VPS9D1: variants seen among roughly 807,000 people sequenced by gnomAD.
The protein encoded by VPS9D1 is VPS9 domain-containing protein 1.
VPS9D1 carries 78 observed loss-of-function variants against 75.8 expected under a neutral mutation model. The observed-to-expected ratio is 1.03, with a 90% CI of 0.86 to 1.24. The LOEUF (loss-of-function observed/expected upper bound fraction) is 1.24. VPS9D1 is among the 50% of genes most tolerant of loss of function. The probability of loss-of-function intolerance (pLI) is 0.00; values close to 1 mark genes in which losing one functional copy is unlikely to be tolerated. For missense variants in VPS9D1, 1,057 were observed against 847.7 expected (o/e 1.25, Z -3.07); for synonymous variants, 481 against 385.6 (o/e 1.25, Z -2.90).
At chr16:89,708,393 A>C (rs2060837329) in intron 14 of VPS9D1, 34 bp downstream of exon 14, 1 of 1,574,790 alleles carries the variant, frequency 6.4e-7, no homozygotes, top group Non-Finnish European at 8.7e-7. Flanking sequence ...TGCTCTTCGC[A>C]CAGAGACCCC....
chr16:89,716,899 G>T, intron 2 of VPS9D1, 77 bp from the exon 3 acceptor site: 1 of 1,369,858 alleles, frequency 7.3e-7, no homozygotes, highest in Non-Finnish European at 9.8e-7. Context: ...TGAGGCAACG[G>T]AAAAGGCAGG....
At position 89,711,875 on chromosome 16, in the gene VPS9D1, G is replaced by C; in HGVS notation, c.747+7C>G. ...TCCTACAAAGCCTGGGCCCGTGGGG[G>C]ACGCACATGGTCCTGTTCGTACTCC... On this transcript the variant is annotated splice_region_variant and intron_variant, in intron 8 of 14. Coordinates refer to ENST00000389386, the MANE Select transcript of VPS9D1 (RefSeq NM_004913.3). The C allele has an allele frequency of 6.5e-7, 1 of 1,550,218 alleles. No homozygotes were observed. Among genetic ancestry groups the C allele is most frequent in the Non-Finnish European group, 8.7e-7 (1 of 1,146,506 alleles).
rs946352843 is a variant in VPS9D1, at chr16:89,711,618, T to TGGGACCCTCCCTCCTCGCA, written c.748-225_748-207dup. 838 of 523,026 alleles carry TGGGACCCTCCCTCCTCGCA rather than the reference T, an allele frequency of 1.6e-3. 1 individual carries two copies. The highest frequency in any genetic ancestry group is 8.4e-3 in the African/African-American group (300 of 35,592). The allele number at this position is 523,026 out of a possible 1,614,324, so 32.4% of individuals were successfully genotyped here. ...GCGAACCCTGGGCCTGCACCCTCGC[T>TGGGACCCTCCCTCCTCGCA]GGGACCCTCCCTCCTCGCAGGGACC... is the stretch of plus-strand genomic sequence containing the variant. On this transcript the variant is annotated intron_variant, in intron 8 of 14. Coordinates refer to ENST00000389386, the MANE Select transcript of VPS9D1 (RefSeq NM_004913.3).
At chr16:89,709,542 C>G in intron 11 of VPS9D1, 107 bp from the exon 12 acceptor site, 1 of 1,337,682 alleles carries the variant, frequency 7.5e-7, no homozygotes, top group Non-Finnish European at 9.9e-7. Context: ...CTATGTATCT[C>G]AAGCAAAAAG....
At position 89,720,529 on chromosome 16, in the gene VPS9D1, C is replaced by A. The variant is rs767315432; in HGVS notation, c.99+234G>T. The A allele has an allele frequency of 3.4e-6, 4 of 1,160,276 alleles. No homozygotes were observed. In the East Asian group the frequency reaches 1.6e-4, roughly 47 times the overall value. The allele number at this position is 1,160,276 out of a possible 1,614,324, so 71.9% of individuals were successfully genotyped here. ...AGGTGGAGCCCAGGCTGTGATGCACCGGCTCAGCGAGCGGAGTGGAAAGCC... is the reference window on the plus strand; with the variant it reads ...AGGTGGAGCCCAGGCTGTGATGCACAGGCTCAGCGAGCGGAGTGGAAAGCC... On this transcript the variant is annotated intron_variant, in intron 1 of 14. Coordinates refer to ENST00000389386, the MANE Select transcript of VPS9D1 (RefSeq NM_004913.3).
chr16:89,707,579 G>T lies in VPS9D1; in HGVS notation c.*282C>A. 2.7e-6 allele frequency: 1 copy of T among 371,236 alleles called. No homozygotes were observed. Among genetic ancestry groups the T allele is most frequent in the Non-Finnish European group, 4.9e-6 (1 of 202,408 alleles). The allele number at this position is 371,236 out of a possible 1,614,324, so 23.0% of individuals were successfully genotyped here. ...CCGAAGCCCAAAGCTTCCCTTCTTG[G>T]CCTCTCTGAGGCCTACACAGGAGAG... is the stretch of plus-strand genomic sequence containing the variant. On this transcript the variant is annotated 3_prime_UTR_variant, in exon 15 of 15. Coordinates refer to ENST00000389386, the MANE Select transcript of VPS9D1 (RefSeq NM_004913.3).
chr16:89,714,207 G>A (rs548494218), intron 4 of VPS9D1, among the ~76,000 whole-genome samples: 2 of 152,228 alleles, frequency 1.3e-5, no homozygotes, highest in East Asian at 1.9e-4. Context: ...CAAAGTGCTG[G>A]GATTACAGGC....
At chr16:89,720,712 C>T in intron 1 of VPS9D1, 51 bp downstream of exon 1, 1 of 1,348,932 alleles carries the variant, frequency 7.4e-7, no homozygotes. Flanking sequence ...GGGCGGGGGT[C>T]CCTCCAGGGG....
chr16:89,711,407 C>G lies in VPS9D1; in HGVS notation c.753G>C (p.Trp251Cys). The G allele has an allele frequency of 6.2e-7, 1 of 1,606,686 alleles. No homozygotes were observed. Among genetic ancestry groups the G allele is most frequent in the Non-Finnish European group, 8.5e-7 (1 of 1,176,678 alleles). The change falls in exon 9 of 15, where the codon TGG becomes TGC. Residue 251 changes from tryptophan (W) to cysteine (C), a missense_variant. Transcript: ENST00000389386. The stretch of plus-strand genomic sequence containing the variant: ...TGAGCTTGGCCTTCCAGTGCTTCGG[C>G]CAGTCCTACGGGACAGGGGGCCTTG... ...AILEYEQDHD[W>C]PKHWKAKLKR...
intron 1 of VPS9D1, chr16:89,719,343 G>C (rs2061178226): frequency 1.7e-6 from 1 of 602,564 alleles, no homozygotes; most frequent in Non-Finnish European, 3.1e-6. Context: ...GAGAGAGAGA[G>C]AGAGCCAGGG....
chr16:89,710,902 G>C lies in VPS9D1; in HGVS notation c.942C>G (p.Cys314Trp), dbSNP rs1463139953. 1 of 1,495,108 alleles carries C rather than the reference G, an allele frequency of 6.7e-7. No individual in the cohort carries two copies. Among genetic ancestry groups the C allele is most frequent in the Admixed American group, 2.2e-5 (1 of 45,596 alleles). The allele number at this position is 1,495,108 out of a possible 1,614,324, so 92.6% of individuals were successfully genotyped here. The change falls in exon 10 of 15, where the codon TGC (cysteine) becomes TGG (tryptophan). Residue 314 changes from cysteine (C) to tryptophan (W), a missense_variant. Cys to Trp is a radical substitution (Grantham distance 215). Coordinates refer to ENST00000389386, the MANE Select transcript of VPS9D1 (RefSeq NM_004913.3). ...SRAAAPAPGC[C>W]PPTPNPGSRR... ...GGCTTCCGGGGTTGGGGGTCGGGGG[G>C]CAGCAGCCTGGGGCTGGCGCGGCTG... is the stretch of plus-strand genomic sequence containing the variant.
intron 1 of VPS9D1, chr16:89,720,437 A>T: frequency 9.5e-7 from 1 of 1,049,046 alleles, no homozygotes. Context: ...GCACGAACGC[A>T]CGGACCTGCC....
At position 89,710,755 on chromosome 16, in the gene VPS9D1, G is replaced by A. The variant is rs779043033; in HGVS notation, c.1089C>T (p.Pro363=). The change falls in exon 10 of 15, where the codon CCC becomes CCT. Residue 363 remains proline (P), a synonymous_variant. Transcript: ENST00000389386. ...CAGATGCGGTGTCCCCCAGGGGTGA[G>A]GGAGACCCCACGGGGCCGGGTTGGA... The part of the protein sequence containing the change: ...PPLQPGPVGS[P]SPLGDTASGL... The A allele has an allele frequency of 7.0e-6, 11 of 1,572,910 alleles. No homozygotes were observed. The highest frequency in any genetic ancestry group is 9.5e-6 in the Non-Finnish European group (11 of 1,159,258).
At position 89,707,727 on chromosome 16, in the gene VPS9D1, G is replaced by A. The variant is rs1477159300; in HGVS notation, c.*134C>T. The A allele has an allele frequency of 2.7e-6, 2 of 750,526 alleles. No homozygotes were observed. The highest frequency in any genetic ancestry group is 4.4e-6 in the Non-Finnish European group (2 of 451,166). The allele number at this position is 750,526 out of a possible 1,614,324, so 46.5% of individuals were successfully genotyped here. A position where few individuals can be genotyped will look rare whatever the true frequency, so the allele number is the denominator to read the frequency against. On this transcript the variant is annotated 3_prime_UTR_variant, in exon 15 of 15. Transcript: ENST00000389386. ...AAGAGCTGGAGAGCACACCACAGTGGACAAGCCCCCACCATGTGCAGAGCA... is the reference window on the plus strand; with the variant it reads ...AAGAGCTGGAGAGCACACCACAGTGAACAAGCCCCCACCATGTGCAGAGCA...
chr16:89,716,898 G>T, intron 2 of VPS9D1, 76 bp from the exon 3 acceptor site: 1 of 1,368,602 alleles, frequency 7.3e-7, no homozygotes, highest in Non-Finnish European at 9.8e-7. Context: ...ATGAGGCAAC[G>T]GAAAAGGCAG....
chr16:89,710,503 C>T (rs1265151552), intron 10 of VPS9D1, 83 bp downstream of exon 10: 2 of 1,441,162 alleles, frequency 1.4e-6, no homozygotes, highest in Non-Finnish European at 1.9e-6. Context: ...TCAACAGACC[C>T]TTCCCCAAAC....
intron 14 of VPS9D1, among the ~76,000 whole-genome samples, chr16:89,708,159 G>A (rs1329061435): frequency 6.6e-6 from 1 of 152,186 alleles, no homozygotes; most frequent in Non-Finnish European, 1.5e-5. Context: ...GATGGCACTG[G>A]ATCCTTATCC....
chr16:89,718,096 C>T (rs577605601), intron 2 of VPS9D1: 4 of 455,582 alleles, frequency 8.8e-6, no homozygotes, highest in East Asian at 1.4e-4. Flanking sequence ...GTGGCTCCCC[C>T]TGACCTCTGT....
At chr16:89,709,089 T>A in intron 12 of VPS9D1, 133 bp from the exon 13 acceptor site, 1 of 1,320,000 alleles carries the variant, frequency 7.6e-7, no homozygotes. Context: ...GCGATGTTGC[T>A]CAGACACCAC....
Sources: gnomAD v4.1 joint callset for allele counts (sites outside exome capture counted in the v4.1 genomes callset) on GRCh38, gnomAD v4.1.1 for gene constraint, MANE v1.5 for transcripts, NCBI Gene and HGNC (gene_info 2026-07-23, HGNC 2026-07-21) for gene names.